PIP5K1B: variants seen among roughly 807,000 people sequenced by gnomAD.
PIP5K1B encodes phosphatidylinositol 4-phosphate 5-kinase type-1 beta.
Under a neutral mutation model 67.0 loss-of-function variants are expected in PIP5K1B, and 42 were observed. The observed-to-expected ratio is 0.63, with a 90% CI of 0.49 to 0.81. PIP5K1B has a LOEUF of 0.81. Among genes scored for constraint, PIP5K1B ranks in the 30% least tolerant of loss-of-function variants. The pLI is 0.00. For synonymous variants in PIP5K1B, 214 were observed against 231.4 expected (o/e 0.92, Z 0.68); for missense variants, 459 against 646.3 (o/e 0.71, Z 3.14).
chr9:68,785,221 G>A (rs147023446), intron 2 of PIP5K1B, among the ~76,000 whole-genome samples: 329 of 152,302 alleles, frequency 2.2e-3, no homozygotes, highest in African/African-American at 6.7e-3. Context: ...TTGAATGATT[G>A]GCTGAGGCAT....
chr9:68,777,633 G>T (rs1830984045), intron 2 of PIP5K1B, among the ~76,000 whole-genome samples: 1 of 152,154 alleles, frequency 6.6e-6, no homozygotes, highest in Admixed American at 6.5e-5. Context: ...TCTCTAATAG[G>T]TGTGTTCAGG....
At chr9:68,945,865 C>T (rs1324765686) in intron 14 of PIP5K1B, among the ~76,000 whole-genome samples, 1 of 152,204 alleles carries the variant, frequency 6.6e-6, no homozygotes, top group East Asian at 1.9e-4. Context: ...GACATCCATA[C>T]AAGTTCTCGT....
chr9:68,958,354 G>T (rs1828509397), intron 14 of PIP5K1B, among the ~76,000 whole-genome samples: 1 of 152,104 alleles, frequency 6.6e-6, no homozygotes, highest in African/African-American at 2.4e-5. Flanking sequence ...TAAGGGAAAA[G>T]CCAGAATGAT....
intron 14 of PIP5K1B, among the ~76,000 whole-genome samples, chr9:68,979,285 A>T (rs1278507692): frequency 2.6e-5 from 4 of 152,214 alleles, no homozygotes; most frequent in Non-Finnish European, 5.9e-5. Flanking sequence ...TGTACAAAAT[A>T]AATAGCCAGA....
chr9:68,915,999 T>G (rs997903070), intron 8 of PIP5K1B, among the ~76,000 whole-genome samples: 3 of 152,156 alleles, frequency 2.0e-5, no homozygotes, highest in African/African-American at 7.2e-5. Flanking sequence ...TACTATATCA[T>G]AAATATCAAA....
intron 6 of PIP5K1B, among the ~76,000 whole-genome samples, chr9:68,886,366 G>A (rs891597884): frequency 3.3e-5 from 5 of 152,090 alleles, no homozygotes; most frequent in Admixed American, 3.3e-4. Context: ...AGACTTCTTT[G>A]CTGGTTTTAG....
chr9:68,732,921 G>A (rs557438689), intron 1 of PIP5K1B, among the ~76,000 whole-genome samples: 19 of 151,752 alleles, frequency 1.3e-4, no homozygotes, highest in Non-Finnish European at 2.1e-4. Flanking sequence ...TGGGTTGGGG[G>A]GGGGGCGGCG....
intron 14 of PIP5K1B, among the ~76,000 whole-genome samples, chr9:68,984,044 T>A (rs77997880): frequency 0.023 from 3,510 of 152,268 alleles, 129 homozygotes; most frequent in East Asian, 0.14. Flanking sequence ...GACAGAGCAA[T>A]ACCCTGTCTC....
chr9:68,852,110 C>T (rs1419646472), intron 4 of PIP5K1B, among the ~76,000 whole-genome samples: 1 of 152,118 alleles, frequency 6.6e-6, no homozygotes, highest in Non-Finnish European at 1.5e-5. Context: ...ATACCAAATG[C>T]ATGCAGGGCT....
At chr9:68,964,296 T>TTA (rs138719615) in intron 14 of PIP5K1B, among the ~76,000 whole-genome samples, 2,267 of 152,296 alleles carry the variant, frequency 0.015, 43 homozygotes, top group African/African-American at 0.046. Flanking sequence ...TCTTAAGGGT[T>TTA]TATAAAAGGA....
chr9:68,897,707 A>T (rs911878063), intron 8 of PIP5K1B, among the ~76,000 whole-genome samples: 1 of 152,166 alleles, frequency 6.6e-6, no homozygotes, highest in African/African-American at 2.4e-5. Flanking sequence ...TAGCAAATCC[A>T]AGAATCCCAG....
At chr9:68,759,198 T>C (rs1830076348) in intron 2 of PIP5K1B, among the ~76,000 whole-genome samples, 1 of 152,160 alleles carries the variant, frequency 6.6e-6, no homozygotes, top group African/African-American at 2.4e-5. Flanking sequence ...ACTAGACTAA[T>C]CTTCTCCTCT....
At chr9:68,942,099 T>C (rs3750376) in intron 14 of PIP5K1B, among the ~76,000 whole-genome samples, 9,643 of 152,284 alleles carry the variant, frequency 0.063, 634 homozygotes, top group African/African-American at 0.17. Context: ...TTTCCTTGGA[T>C]TGGAGAAATT....
At chr9:68,782,314 G>A (rs899696341) in intron 2 of PIP5K1B, 3 of 167,052 alleles carry the variant, frequency 1.8e-5, no homozygotes, top group Non-Finnish European at 4.4e-5. Flanking sequence ...AGTCACATAG[G>A]TAAATCATTA....
At chr9:68,706,064 T>A (rs1827107604) in intron 1 of PIP5K1B, 1 of 152,250 alleles carries the variant, frequency 6.6e-6, no homozygotes, top group South Asian at 2.1e-4. Flanking sequence ...CTCTCCCCTT[T>A]TCCGGGGAAC....
At chr9:68,780,075 T>TGGCGGC in intron 2 of PIP5K1B, 4 of 1,428,058 alleles carry the variant, frequency 2.8e-6, no homozygotes, top group South Asian at 3.2e-5. Flanking sequence ...AGATTCTCGG[T>TGGCGGC]GGCGGCGGCA....
At chr9:68,956,948 G>T (rs150160264) in intron 14 of PIP5K1B, among the ~76,000 whole-genome samples, 114 of 152,194 alleles carry the variant, frequency 7.5e-4, no homozygotes, top group African/African-American at 2.5e-3. Context: ...AAATATTACC[G>T]CCCACTGTGA....
intron 1 of PIP5K1B, chr9:68,728,730 A>G (rs1383392425): frequency 6.6e-6 from 1 of 152,224 alleles, no homozygotes; most frequent in African/African-American, 2.4e-5. Flanking sequence ...GTAGAGCTTT[A>G]TGAACCAGAT....
At chr9:68,943,713 C>T (rs1161979099) in intron 14 of PIP5K1B, among the ~76,000 whole-genome samples, 1 of 151,906 alleles carries the variant, frequency 6.6e-6, no homozygotes, top group Admixed American at 6.6e-5. Flanking sequence ...TTATAATTTA[C>T]ATGTGAGATT....
Sources: allele counts gnomAD v4.1 joint callset (sites outside exome capture counted in the v4.1 genomes callset), GRCh38; gene constraint gnomAD v4.1.1; transcripts MANE v1.5; gene names NCBI Gene and HGNC (gene_info 2026-07-23, HGNC 2026-07-21).